Variants in BIN1 observed in about 807,000 individuals in gnomAD.
BIN1 encodes myc box-dependent-interacting protein 1.
A neutral mutation model predicts 82.0 loss-of-function variants in BIN1; 53 were observed. That is an observed-to-expected ratio of 0.65 (90% CI 0.52 to 0.81). The LOEUF (loss-of-function observed/expected upper bound fraction) is 0.81, where lower values mean the gene tolerates loss of function less well. Among genes scored for constraint, BIN1 ranks in the 40% least tolerant of loss-of-function variants. The pLI, the probability that BIN1 is intolerant of heterozygous loss-of-function variation, is 0.00. For missense variants in BIN1, 642 were observed against 784.4 expected, an observed-to-expected ratio of 0.82 and a Z score of 2.17; for synonymous variants, 302 against 328.0, an observed-to-expected ratio of 0.92 and a Z score of 0.86.
chr2:127,076,408 C>T lies in BIN1; in HGVS notation c.165+218G>A, dbSNP rs1188056518. Among the ~76,000 whole-genome samples the T allele has an allele frequency of 2.4e-5, 3 of 124,540 alleles. No homozygotes were observed. The Admixed American group carries it at 3.2e-4, about 13-fold the overall frequency. 81.7% of individuals were successfully genotyped at this position (124,540 alleles called of 152,430 possible). ...CCTCCCCCAACTACCGTTTCTATGT[C>T]TCCTACCAAGAACCTAAAGCATACA... On this transcript the variant is annotated intron_variant, in intron 2 of 18. Coordinates refer to ENST00000316724, the MANE Select transcript of BIN1 (RefSeq NM_139343.3).
chr2:127,062,684 C>T (rs536767440), intron 9 of BIN1, among the ~76,000 whole-genome samples: 55 of 152,324 alleles, frequency 3.6e-4, no homozygotes, highest in Non-Finnish European at 6.0e-4. Flanking sequence ...CACTAGGGAG[C>T]TCAGAGCCGA....
chr2:127,060,726 C>T (rs1040768515), intron 10 of BIN1: 1 of 1,542,976 alleles, frequency 6.5e-7, no homozygotes, highest in Non-Finnish European at 8.9e-7. Context: ...TCTTTGCCAA[C>T]CCTTCTGCTC....
In BIN1 at chr2:127,068,978, G is replaced by A; in HGVS notation, c.465C>T (p.His155=). 5 of 1,614,206 alleles carry A rather than the reference G, an allele frequency of 3.1e-6. No homozygotes were observed. Among genetic ancestry groups the A allele is most frequent in the Non-Finnish European group, 4.2e-6 (5 of 1,180,038 alleles). The part of the protein sequence containing the change: ...RKLVDYDSAR[H]HYESLQTAKK... ...TGGCAGTTTGAAGGGACTCGTAGTG[G>A]TGCCGGGCACTGTCGTAGTCCACCA... Residue 155 remains histidine, a synonymous_variant, in exon 6 of 19, where the codon CAC becomes CAT. Transcript: ENST00000316724. The surrounding 1 kb of genome is among the most constrained non-coding windows in gnomAD (Gnocchi z 4.9).
At chr2:127,052,472 G>A (rs1683088608) in intron 14 of BIN1, 110 bp from the exon 15 acceptor site, 2 of 1,081,692 alleles carry the variant, frequency 1.8e-6, no homozygotes, top group South Asian at 3.0e-5. Context: ...GCTGGGGTTG[G>A]TGGGGGCAGG....
At chr2:127,061,489 A>G (rs745949815) in intron 10 of BIN1, among the ~76,000 whole-genome samples, 2 of 152,174 alleles carry the variant, frequency 1.3e-5, no homozygotes, top group Non-Finnish European at 1.5e-5. Context: ...ACACACACAC[A>G]TGCACACATG....
intron 12 of BIN1, chr2:127,054,367 A>G: frequency 6.2e-6 from 2 of 323,480 alleles, no homozygotes; most frequent in East Asian, 8.1e-5. Flanking sequence ...CCATCCACAG[A>G]CTGGTGGGCC....
rs112363442 is a variant in BIN1, at chr2:127,068,922, A to T, written c.519+2T>A. The T allele has an allele frequency of 6.2e-7, 1 of 1,613,738 alleles. No homozygotes were observed. The highest frequency in any genetic ancestry group is 8.5e-7 in the Non-Finnish European group (1 of 1,179,674). ...CTGCCCCGACCCGCCTCCAGCCCTT[A>T]CCTTGGCAATTTTGGCTTCATCCTT... On this transcript the variant is annotated splice_donor_variant, in intron 6 of 18. Coordinates refer to ENST00000316724, the MANE Select transcript of BIN1 (RefSeq NM_139343.3). LOFTEE classifies it high-confidence loss of function. The surrounding 1 kb of genome is among the most constrained non-coding windows in gnomAD (Gnocchi z 4.9).
intron 1 of BIN1, among the ~76,000 whole-genome samples, chr2:127,092,461 C>G (rs750691958): frequency 9.2e-5 from 14 of 152,174 alleles, no homozygotes; most frequent in Non-Finnish European, 1.5e-4. Flanking sequence ...AGCAACAGGG[C>G]CCACAGAGGC....
At chr2:127,072,898 C>T (rs374512049) in intron 2 of BIN1, among the ~76,000 whole-genome samples, 96 of 152,282 alleles carry the variant, frequency 6.3e-4, no homozygotes, top group Non-Finnish European at 1.1e-3. Context: ...TTGGTCGAGA[C>T]GAGGATTAAA....
intron 1 of BIN1, among the ~76,000 whole-genome samples, chr2:127,089,632 C>A (rs142550117): frequency 6.6e-6 from 1 of 152,108 alleles, no homozygotes; most frequent in Non-Finnish European, 1.5e-5. Flanking sequence ...TATCACACCC[C>A]GGCCCCACCC....
intron 1 of BIN1, among the ~76,000 whole-genome samples, chr2:127,085,379 C>G (rs973685748): frequency 6.6e-6 from 1 of 152,208 alleles, no homozygotes. Context: ...CATCTGGAGG[C>G]AAGAACGCTC....
chr2:127,060,770 C>A, intron 10 of BIN1: 1 of 1,230,372 alleles, frequency 8.1e-7, no homozygotes, highest in Admixed American at 2.0e-5. Flanking sequence ...CTCCTAAGTG[C>A]CAGAGGCCTT....
intron 2 of BIN1, among the ~76,000 whole-genome samples, chr2:127,074,699 T>TTTTGTTTGTTTG (rs60320134): frequency 6.6e-5 from 10 of 151,718 alleles, no homozygotes; most frequent in African/African-American, 2.2e-4. Context: ...TCAGCCTGTT[T>TTTTGTTTGTTTG]TTTGTTTGTT....
At chr2:127,050,307 G>C in intron 18 of BIN1, 114 bp downstream of exon 18, 1 of 1,107,108 alleles carries the variant, frequency 9.0e-7, no homozygotes, top group South Asian at 1.3e-5. Flanking sequence ...CGGGAGCCCT[G>C]GTGCTCGCGG....
At chr2:127,056,939 C>T (rs997164561) in intron 12 of BIN1, among the ~76,000 whole-genome samples, 2 of 152,186 alleles carry the variant, frequency 1.3e-5, no homozygotes, top group East Asian at 1.9e-4. Context: ...AAGGGCCCGT[C>T]GGGAGAGACC....
At chr2:127,086,327 C>T (rs1678153819) in intron 1 of BIN1, among the ~76,000 whole-genome samples, 1 of 152,120 alleles carries the variant, frequency 6.6e-6, no homozygotes, top group South Asian at 2.1e-4. Context: ...GATTCACACT[C>T]CATCTTGCTT....
chr2:127,067,701 C>G lies in BIN1; in HGVS notation c.612+462G>C, dbSNP rs1685327385. Among the ~76,000 whole-genome samples the G allele has an allele frequency of 6.6e-6, 1 of 152,200 alleles. No individual in the cohort carries two copies. Among genetic ancestry groups the G allele is most frequent in the South Asian group, 2.1e-4 (1 of 4,826 alleles). On this transcript the variant is annotated intron_variant, in intron 7 of 18. Transcript: ENST00000316724. The surrounding 1 kb of genome is among the most constrained non-coding windows in gnomAD (Gnocchi z 4.7). Reference sequence around the variant, plus strand: ...ACCCTGCCCCTAACCGGCTCTGGGGCCCTGGGAGGAGGCTGTGATGTGCCT... The same window carrying G: ...ACCCTGCCCCTAACCGGCTCTGGGGGCCTGGGAGGAGGCTGTGATGTGCCT...
chr2:127,060,737 A>G lies in BIN1; in HGVS notation c.857+1378T>C, dbSNP rs139786500. 139 of 1,495,044 alleles carry G rather than the reference A, an allele frequency of 9.3e-5. No individual in the cohort carries two copies. In the East Asian group the frequency reaches 3.2e-3, roughly 35 times the overall value. 92.6% of individuals were successfully genotyped at this position (1,495,044 alleles called of 1,614,324 possible). A position where few individuals can be genotyped will look rare whatever the true frequency, so the allele number is the denominator to read the frequency against. ...TCCCTCTTTGCCAACCCTTCTGCTC[A>G]GAGGACAAAGGGGCAAAAGCCTCTC... On this transcript the variant is annotated intron_variant, in intron 10 of 18. Coordinates refer to ENST00000316724, the MANE Select transcript of BIN1 (RefSeq NM_139343.3).
intron 10 of BIN1, among the ~76,000 whole-genome samples, chr2:127,061,123 C>G (rs1210843923): frequency 1.3e-5 from 2 of 152,266 alleles, no homozygotes; most frequent in East Asian, 3.9e-4. Flanking sequence ...GTGTTCCCAC[C>G]TGTGCCTACA....
Sources: gnomAD v4.1 joint callset for allele counts (sites outside exome capture counted in the v4.1 genomes callset) on GRCh38, gnomAD v4.1.1 for gene constraint, Gnocchi (gnomAD v3.1) non-coding constraint, MANE v1.5 for transcripts, NCBI Gene and HGNC (gene_info 2026-07-23, HGNC 2026-07-21) for gene names.